The following OSBPL1A variants were observed in gnomAD, a reference collection of about 807,000 sequenced individuals.
The protein encoded by OSBPL1A is oxysterol binding protein like 1A.
In OSBPL1A, 80 loss-of-function variants were observed where a neutral mutation model predicts 137.1. The observed-to-expected ratio is 0.58, with a 90% confidence interval of 0.49 to 0.70. The LOEUF (loss-of-function observed/expected upper bound fraction) is 0.70. Ranked by LOEUF, OSBPL1A falls within the 30% of genes least tolerant of loss-of-function variation. OSBPL1A has a pLI of 0.00. For missense variants in OSBPL1A, 970 were observed against 1,129.4 expected, an observed-to-expected ratio of 0.86 and a Z score of 2.02; for synonymous variants, 365 against 389.7, an observed-to-expected ratio of 0.94 and a Z score of 0.75.
At chr18:24,180,073 C>CA (rs2086560010) in intron 19 of OSBPL1A, among the ~76,000 whole-genome samples, 1 of 152,222 alleles carries the variant, frequency 6.6e-6, no homozygotes. Flanking sequence ...CACACTCTAA[C>CA]AGTGCTACAA....
chr18:24,175,084 C>T (rs2086388974), intron 21 of OSBPL1A, among the ~76,000 whole-genome samples: 1 of 126,334 alleles, frequency 7.9e-6, no homozygotes, highest in African/African-American at 3.7e-5. Context: ...CAGCTGACTT[C>T]ATGTGCTTAT....
In OSBPL1A at chr18:24,239,056, ACAC is replaced by A. The variant is rs557389374; in HGVS notation, c.1444+161_1444+163del. 3.3e-3 allele frequency among the ~76,000 whole-genome samples: 503 copies of A among 152,304 alleles called. 3 individuals are homozygous for A. The highest frequency in any genetic ancestry group is 0.011 in the African/African-American group (473 of 41,556). ...TTCAGACACCAGCCTTAATAACATG[ACAC>A]ACAAAAAATCTGGGGAGCTATACCA... On this transcript the variant is annotated intron_variant, in intron 16 of 27. Transcript: ENST00000319481.
intron 16 of OSBPL1A, among the ~76,000 whole-genome samples, chr18:24,237,031 G>A (rs961576425): frequency 6.6e-6 from 1 of 151,964 alleles, no homozygotes; most frequent in Non-Finnish European, 1.5e-5. Context: ...TCTAAGACAA[G>A]TTGTCAGGAA....
chr18:24,300,394 A>G (rs187377656), intron 14 of OSBPL1A, among the ~76,000 whole-genome samples: 3 of 152,348 alleles, frequency 2.0e-5, no homozygotes, highest in East Asian at 3.9e-4. Context: ...AGTTGCAAGG[A>G]TTTATAAAAG....
intron 24 of OSBPL1A, among the ~76,000 whole-genome samples, chr18:24,169,724 G>T (rs1431099150): frequency 6.6e-6 from 1 of 152,166 alleles, no homozygotes; most frequent in Admixed American, 6.5e-5. Flanking sequence ...CAGTCCTCGA[G>T]CATTTATGCC....
chr18:24,249,383 C>T (rs2089001317), intron 15 of OSBPL1A, among the ~76,000 whole-genome samples: 1 of 152,156 alleles, frequency 6.6e-6, no homozygotes. Flanking sequence ...AGCTTACATC[C>T]TTTGTACCCC....
intron 14 of OSBPL1A, among the ~76,000 whole-genome samples, chr18:24,295,003 G>C (rs1002388352): frequency 7.2e-5 from 11 of 152,148 alleles, no homozygotes; most frequent in African/African-American, 2.7e-4. Context: ...GTTCTCCATA[G>C]AGGTTGTACT....
Position 24,171,399 on chromosome 18 carries a change from G to T in OSBPL1A, c.2291+10C>A, listed in dbSNP as rs1056595220. 1.9e-6 allele frequency: 3 copies of T among 1,589,868 alleles called. No homozygotes were observed. Among genetic ancestry groups the T allele is most frequent in the Middle Eastern group, 1.7e-4 (1 of 5,932 alleles). ...TCTATACTATTCAACATTTAAAAGA[G>T]AAATTTTACCTTTTATCTTGAATGT... On this transcript the variant is annotated intron_variant, in intron 23 of 27. Transcript: ENST00000319481.
chr18:24,265,133 C>T (rs1365645442), intron 15 of OSBPL1A, among the ~76,000 whole-genome samples: 1 of 152,170 alleles, frequency 6.6e-6, no homozygotes, highest in Non-Finnish European at 1.5e-5. Flanking sequence ...TAGTCCTTAA[C>T]ACAAATACCA....
intron 7 of OSBPL1A, among the ~76,000 whole-genome samples, chr18:24,332,385 C>CAAAAAAAAAAAAA (rs71163675): frequency 5.7e-5 from 3 of 53,080 alleles, no homozygotes; most frequent in South Asian, 1.1e-3. Context: ...GACTCTGTCT[C>CAAAAAAAAAAAAA]AAAAAAAAAA....
chr18:24,210,604 A>T (rs1293393997), intron 17 of OSBPL1A, among the ~76,000 whole-genome samples: 1 of 149,384 alleles, frequency 6.7e-6, no homozygotes, highest in African/African-American at 2.5e-5. Context: ...CACGATCATG[A>T]CTCACTTGCA....
rs137996572 is a variant in OSBPL1A at position 24,294,663 on chromosome 18, T to G, written c.1174+8974A>C. Among the ~76,000 whole-genome samples, 766 of 152,344 alleles carry G rather than the reference T, an allele frequency of 5.0e-3. 7 individuals are homozygous for G. The highest frequency in any genetic ancestry group is 0.018 in the African/African-American group (735 of 41,582). ...AATGAGAACAAATGGTTTTTGGTTTTTCCATTCCTGAGTTTCTAAGTATTC... is the reference window on the plus strand; with the variant it reads ...AATGAGAACAAATGGTTTTTGGTTTGTCCATTCCTGAGTTTCTAAGTATTC... On this transcript the variant is annotated intron_variant, in intron 14 of 27. Transcript: ENST00000319481.
At chr18:24,181,658 G>T (rs774108084) in intron 18 of OSBPL1A, among the ~76,000 whole-genome samples, 1 of 152,174 alleles carries the variant, frequency 6.6e-6, no homozygotes, top group Non-Finnish European at 1.5e-5. Flanking sequence ...TAACTGCAGG[G>T]CCATTAATTA....
At chr18:24,310,046 C>CAAAAAAAAAAAAAAG (rs1282255395) in intron 13 of OSBPL1A, among the ~76,000 whole-genome samples, 2 of 90,610 alleles carry the variant, frequency 2.2e-5, no homozygotes, top group East Asian at 5.1e-4. Context: ...GACTCTGTCT[C>CAAAAAAAAAAAAAAG]AAAAAAAAAA....
chr18:24,231,120 C>T (rs1283515753), intron 16 of OSBPL1A, among the ~76,000 whole-genome samples: 1 of 152,116 alleles, frequency 6.6e-6, no homozygotes, highest in African/African-American at 2.4e-5. Flanking sequence ...CCTTGAAAAA[C>T]ATATATTTTA....
chr18:24,257,725 C>T (rs2089325261), intron 15 of OSBPL1A, among the ~76,000 whole-genome samples: 1 of 152,116 alleles, frequency 6.6e-6, no homozygotes, highest in Non-Finnish European at 1.5e-5. Context: ...TTGCAAACTA[C>T]CCATCTGACA....
At chr18:24,373,143 T>C (rs899303470) in intron 2 of OSBPL1A, among the ~76,000 whole-genome samples, 4 of 152,188 alleles carry the variant, frequency 2.6e-5, no homozygotes, top group Admixed American at 6.5e-5. Context: ...TAACTACTTA[T>C]AGGTATCTTT....
At chr18:24,380,788 C>CATT (rs1906520367) in intron 1 of OSBPL1A, among the ~76,000 whole-genome samples, 2 of 151,972 alleles carry the variant, frequency 1.3e-5, no homozygotes, top group African/African-American at 4.8e-5. Flanking sequence ...CCCGTCTCTA[C>CATT]TAAATGCAAA....
chr18:24,330,745 T>A (rs9956357), intron 7 of OSBPL1A, among the ~76,000 whole-genome samples: 2,512 of 151,930 alleles, frequency 0.017, 72 homozygotes, highest in African/African-American at 0.057. Context: ...AAACATTTTT[T>A]AAATCCTAGT....
Sources: allele counts gnomAD v4.1 joint callset (sites outside exome capture counted in the v4.1 genomes callset), GRCh38; gene constraint gnomAD v4.1.1; transcripts MANE v1.5; gene names NCBI Gene and HGNC (gene_info 2026-07-23, HGNC 2026-07-21).